The following SLCO3A1 variants were observed in gnomAD, a reference collection of about 807,000 sequenced individuals.
SLCO3A1 encodes solute carrier organic anion transporter family member 3A1, also known as PGE1 transporter.
Under a neutral mutation model 63.1 loss-of-function variants are expected in SLCO3A1, and 27 were observed. That is an observed-to-expected ratio of 0.43 (90% CI 0.32 to 0.59). SLCO3A1 has a LOEUF of 0.59. Ranked by LOEUF, SLCO3A1 falls within the 20% of genes least tolerant of loss-of-function variation. The probability of loss-of-function intolerance (pLI) is 0.09; values close to 1 mark genes in which losing one functional copy is unlikely to be tolerated. For synonymous variants in SLCO3A1, 473 were observed against 409.9 expected (o/e 1.15, Z -1.86); for missense variants, 773 against 945.8 (o/e 0.82, Z 2.40).
At chr15:92,078,770 G>C (rs1463768208) in intron 2 of SLCO3A1, among the ~76,000 whole-genome samples, 1 of 152,086 alleles carries the variant, frequency 6.6e-6, no homozygotes, top group Admixed American at 6.5e-5. Context: ...GTGTATCTGC[G>C]CATAGGGTTG....
chr15:91,909,038 G>C (rs1421186043), intron 1 of SLCO3A1, among the ~76,000 whole-genome samples: 2 of 152,188 alleles, frequency 1.3e-5, no homozygotes, highest in African/African-American at 4.8e-5. Context: ...TCCAGCCTGC[G>C]CAACAGAGCG....
chr15:91,853,801 G>T lies in SLCO3A1; in HGVS notation c.-108G>T. 2 of 1,058,732 alleles carry T rather than the reference G, an allele frequency of 1.9e-6. 1 individual carries two copies. The allele number at this position is 1,058,732 out of a possible 1,614,324, so 65.6% of individuals were successfully genotyped here. ...GGCGGCCGCCGCGAACCCGGGGCGG[G>T]GACAGCACGCAGCCTCGAGGCGCGC... On this transcript the variant is annotated 5_prime_UTR_variant, in exon 1 of 10. Transcript: ENST00000318445.
chr15:91,952,034 C>T (rs918511800), intron 2 of SLCO3A1, among the ~76,000 whole-genome samples: 6 of 152,126 alleles, frequency 3.9e-5, no homozygotes, highest in African/African-American at 1.4e-4. Context: ...TTCACAGCCT[C>T]GCCAACACTT....
intron 2 of SLCO3A1, among the ~76,000 whole-genome samples, chr15:92,012,779 TA>T (rs1286466723): frequency 4.1e-5 from 6 of 146,980 alleles, no homozygotes; most frequent in Admixed American, 2.7e-4. Flanking sequence ...AGACGAGGCT[TA>T]ACTCTAGGCC....
chr15:92,018,748 T>C (rs1367934079), intron 2 of SLCO3A1, among the ~76,000 whole-genome samples: 1 of 152,112 alleles, frequency 6.6e-6, no homozygotes, highest in Non-Finnish European at 1.5e-5. Flanking sequence ...TCAGAGGGGA[T>C]CACGGGGTGG....
chr15:92,162,320 T>TTGTC (rs1345456544), intron 9 of SLCO3A1: 1 of 157,896 alleles, frequency 6.3e-6, no homozygotes, highest in Non-Finnish European at 1.4e-5. Flanking sequence ...AAATTCCAGG[T>TTGTC]TGTCTCTTTA....
intron 2 of SLCO3A1, among the ~76,000 whole-genome samples, chr15:92,083,556 C>T (rs188500399): frequency 8.9e-4 from 135 of 152,310 alleles, no homozygotes; most frequent in African/African-American, 3.1e-3. Flanking sequence ...AATTCTATTG[C>T]AATAGATAAT....
In SLCO3A1 at chr15:91,967,754, T is replaced by A. The variant is rs1900711430; in HGVS notation, c.646+51296T>A. Among the ~76,000 whole-genome samples, 1 of 152,210 alleles carries A rather than the reference T, an allele frequency of 6.6e-6. No individual in the cohort carries two copies. The highest frequency in any genetic ancestry group is 1.5e-5 in the Non-Finnish European group (1 of 68,048). On this transcript the variant is annotated intron_variant, in intron 2 of 9. Transcript: ENST00000318445. The surrounding 1 kb of genome is among the most constrained non-coding windows in gnomAD (Gnocchi z 4.4). The stretch of plus-strand genomic sequence containing the variant: ...ATAGCACAGTTTTTGGCTGTGTTGT[T>A]TTCAAACAGCCTACTTTTGGGGAAC...
intron 10 of SLCO3A1, chr15:92,171,735 C>T (rs906416265): frequency 1.1e-4 from 145 of 1,348,188 alleles, no homozygotes; most frequent in Non-Finnish European, 1.4e-4. Context: ...CAGAAAAGAC[C>T]GATCTCTTTT....
At chr15:92,005,160 AC>A in intron 2 of SLCO3A1, among the ~76,000 whole-genome samples, 1 of 152,306 alleles carries the variant, frequency 6.6e-6, no homozygotes, top group East Asian at 1.9e-4. Context: ...TTAGAACCCT[AC>A]AGAGAGATTT....
chr15:91,935,132 T>G (rs1010241758), intron 2 of SLCO3A1, among the ~76,000 whole-genome samples: 34 of 152,286 alleles, frequency 2.2e-4, no homozygotes, highest in African/African-American at 7.2e-4. Context: ...TTTTGTATTT[T>G]TAGTAGAGAC....
chr15:91,926,558 CGTGTGTGTGTGTGTGTGTGTGT>C (rs565234731), intron 2 of SLCO3A1, among the ~76,000 whole-genome samples: 1 of 126,082 alleles, frequency 7.9e-6, no homozygotes. Flanking sequence ...CCTGCCAAGC[CGTGTGTGTGTGTGTGTGTGTGT>C]GTGTGTGTGT....
chr15:91,938,220 G>A (rs146657570), intron 2 of SLCO3A1, among the ~76,000 whole-genome samples: 8 of 152,278 alleles, frequency 5.3e-5, no homozygotes, highest in South Asian at 4.1e-4. Context: ...TACTATCTGC[G>A]TTATGAGGAT....
intron 2 of SLCO3A1, among the ~76,000 whole-genome samples, chr15:91,987,339 A>G (rs899304150): frequency 3.9e-5 from 6 of 152,302 alleles, no homozygotes; most frequent in Middle Eastern, 3.4e-3. Context: ...CTGAACACCT[A>G]TCATGTGTCA....
At chr15:91,874,511 C>T (rs1056313259) in intron 1 of SLCO3A1, among the ~76,000 whole-genome samples, 3 of 152,320 alleles carry the variant, frequency 2.0e-5, no homozygotes, top group African/African-American at 7.2e-5. Context: ...CCTTTTGCAA[C>T]GGGCTTGTTT....
At chr15:92,079,030 T>TG (rs1307631358) in intron 2 of SLCO3A1, among the ~76,000 whole-genome samples, 1 of 152,226 alleles carries the variant, frequency 6.6e-6, no homozygotes, top group African/African-American at 2.4e-5. Context: ...GCCTGCCCTT[T>TG]GCTAGGCACG....
chr15:92,015,774 G>C (rs2151466043), intron 2 of SLCO3A1, among the ~76,000 whole-genome samples: 1 of 152,288 alleles, frequency 6.6e-6, no homozygotes, highest in East Asian at 1.9e-4. Context: ...GTCCCTGCTT[G>C]CTGGTGGGGC....
intron 7 of SLCO3A1, among the ~76,000 whole-genome samples, chr15:92,143,901 G>A (rs2048184428): frequency 6.6e-6 from 1 of 152,174 alleles, no homozygotes; most frequent in African/African-American, 2.4e-5. Flanking sequence ...GTGCGGCATG[G>A]CTGCTCAGGA....
At position 91,938,833 on chromosome 15, in the gene SLCO3A1, A is replaced by G. The variant is rs558571896; in HGVS notation, c.646+22375A>G. Among the ~76,000 whole-genome samples, 11 of 152,310 alleles carry G rather than the reference A, an allele frequency of 7.2e-5. No homozygotes were observed. In the South Asian group the frequency reaches 1.4e-3, roughly 20 times the overall value. On this transcript the variant is annotated intron_variant, in intron 2 of 9. Coordinates refer to ENST00000318445, the MANE Select transcript of SLCO3A1 (RefSeq NM_013272.4). ...CATTTCTGAGTTATGGAACATGGTA[A>G]GACTAGGAACCACAGAAGGTTAATC...
Sources: allele counts gnomAD v4.1 joint callset (sites outside exome capture counted in the v4.1 genomes callset), GRCh38; gene constraint gnomAD v4.1.1; non-coding constraint Gnocchi (gnomAD v3.1); transcripts MANE v1.5; gene names NCBI Gene and HGNC (gene_info 2026-07-23, HGNC 2026-07-21).